Variants in NLGN4X observed in about 807,000 individuals in gnomAD.
The protein encoded by NLGN4X is neuroligin 4 X-linked.
Under a neutral mutation model 40.3 loss-of-function variants are expected in NLGN4X, and 3 were observed. That is an observed-to-expected ratio of 0.07 (90% confidence interval 0.03 to 0.19). The LOEUF is 0.19. NLGN4X is among the 10% of genes least tolerant of loss of function. The pLI, the probability that NLGN4X is intolerant of heterozygous loss-of-function variation, is 1.00. For synonymous variants in NLGN4X, 270 were observed against 306.8 expected, an observed-to-expected ratio of 0.88 and a Z score of 1.25; for missense variants, 382 against 708.3, an observed-to-expected ratio of 0.54 and a Z score of 5.23.
At chrX:6,082,946 GCGTTTTTTTCT>G (rs1372755413) in intron 2 of NLGN4X, among the ~76,000 whole-genome samples, 17 of 69,524 alleles carry the variant, frequency 2.4e-4, no homozygotes, top group South Asian at 6.6e-4. Context: ...TTGCCATGAT[GCGTTTTTTTCT>G]TTTTTTTTTT....
intron 2 of NLGN4X, among the ~76,000 whole-genome samples, chrX:6,119,838 C>A (rs2039382279): frequency 9.0e-6 from 1 of 111,219 alleles, no homozygotes; most frequent in Admixed American, 9.6e-5. Context: ...AAGACGTGAT[C>A]TTTGTATTAT....
At chrX:5,947,805 CA>C (rs2034179486) in intron 3 of NLGN4X, among the ~76,000 whole-genome samples, 1 of 110,896 alleles carries the variant, frequency 9.0e-6, no homozygotes, top group African/African-American at 3.3e-5. Flanking sequence ...TTTGTGGGTA[CA>C]AAATTTCAAA....
chrX:6,119,771 T>G (rs2039380484), intron 2 of NLGN4X, among the ~76,000 whole-genome samples: 1 of 111,460 alleles, frequency 9.0e-6, no homozygotes, highest in Non-Finnish European at 1.9e-5. Context: ...CTTACTTTTG[T>G]ATACTTTACA....
intron 1 of NLGN4X, among the ~76,000 whole-genome samples, chrX:6,185,769 T>C (rs191277950): frequency 8.0e-5 from 9 of 112,078 alleles, no homozygotes; most frequent in African/African-American, 2.6e-4. Context: ...AAGATCAATC[T>C]GTGCAATAAT....
At chrX:5,970,190 AAATAC>A (rs909492672) in intron 3 of NLGN4X, among the ~76,000 whole-genome samples, 3 of 109,947 alleles carry the variant, frequency 2.7e-5, no homozygotes, top group Non-Finnish European at 5.7e-5. Flanking sequence ...ATAAATAAAT[AAATAC>A]AATAGTAATA....
At chrX:6,007,018 T>G (rs2036119051) in intron 3 of NLGN4X, among the ~76,000 whole-genome samples, 1 of 111,873 alleles carries the variant, frequency 8.9e-6, no homozygotes, top group African/African-American at 3.2e-5. Context: ...CACTACACTA[T>G]TCACAACAGC....
intron 2 of NLGN4X, among the ~76,000 whole-genome samples, chrX:6,133,135 C>T (rs978266438): frequency 8.5e-5 from 7 of 82,326 alleles, no homozygotes; most frequent in African/African-American, 2.9e-4. Flanking sequence ...TCATCACCAT[C>T]GTCATCACGA....
intron 3 of NLGN4X, among the ~76,000 whole-genome samples, chrX:5,941,736 T>G (rs761069978): frequency 1.8e-5 from 2 of 112,312 alleles, no homozygotes; most frequent in Non-Finnish European, 3.8e-5. Flanking sequence ...TAACCTGTGA[T>G]TACCCAAAGG....
At chrX:6,130,207 C>G (rs2039651354) in intron 2 of NLGN4X, among the ~76,000 whole-genome samples, 1 of 111,701 alleles carries the variant, frequency 9.0e-6, no homozygotes. Context: ...TAAAATATTC[C>G]CCATGCTCCT....
rs1295357780 is a variant in NLGN4X, at chrX:5,894,547, G to A, written c.1602-881C>T. Among the ~76,000 whole-genome samples the A allele has an allele frequency of 2.7e-5, 3 of 111,695 alleles. 1 individual carries two copies. The Admixed American group carries it at 2.9e-4, about 11-fold the overall frequency. On this transcript the variant is annotated intron_variant, in intron 5 of 5. Transcript: ENST00000381095. ...GACACCCAGAAACAAGTCAAGGGCT[G>A]TTACAGATGCTAAGTTGTGCTTGGA...
At chrX:6,209,425 G>C (rs1403712386) in intron 1 of NLGN4X, among the ~76,000 whole-genome samples, 1 of 111,180 alleles carries the variant, frequency 9.0e-6, no homozygotes, top group Non-Finnish European at 1.9e-5. Context: ...CGGGCACCTA[G>C]AAGCTTGAGT....
intron 2 of NLGN4X, among the ~76,000 whole-genome samples, chrX:6,062,358 G>T (rs900587201): frequency 9.0e-6 from 1 of 111,597 alleles, no homozygotes; most frequent in Non-Finnish European, 1.9e-5. Flanking sequence ...CCTTCTAACT[G>T]GTCTCCCACA....
At chrX:6,137,519 A>C (rs1471300450) in intron 2 of NLGN4X, among the ~76,000 whole-genome samples, 3 of 111,962 alleles carry the variant, frequency 2.7e-5, no homozygotes, top group African/African-American at 9.7e-5. Flanking sequence ...GGCCTGTCAA[A>C]GTTTTTAAAA....
Position 5,890,085 on chromosome X carries a change from A to G in NLGN4X, c.*2732T>C. On this transcript the variant is annotated 3_prime_UTR_variant, in exon 6 of 6. Coordinates refer to ENST00000381095, the MANE Select transcript of NLGN4X (RefSeq NM_181332.3). ...TTTTATTATTAAAAATGCTGCTGAA[A>G]AGTTTATACATATGTGTCCGGCCAT... 1 of 226,164 alleles carries G rather than the reference A, an allele frequency of 4.4e-6. No individual in the cohort carries two copies. Among genetic ancestry groups the G allele is most frequent in the Non-Finnish European group, 8.1e-6 (1 of 123,871 alleles). 18.6% of individuals were successfully genotyped at this position (226,164 alleles called of 1,213,427 possible).
chrX:6,131,118 A>ACATCAGCACTGTGGGCATTTGGGGGCTG (rs1569255737), intron 2 of NLGN4X, among the ~76,000 whole-genome samples: 1 of 111,497 alleles, frequency 9.0e-6, no homozygotes, highest in African/African-American at 3.3e-5. Context: ...TCAATTTCAA[A>ACATCAGCACTGTGGGCATTTGGGGGCTG]GAATACCACC....
At chrX:6,091,822 C>T (rs143873998) in intron 2 of NLGN4X, among the ~76,000 whole-genome samples, 10 of 111,529 alleles carry the variant, frequency 9.0e-5, no homozygotes, top group African/African-American at 1.3e-4. Flanking sequence ...AGAACATGTA[C>T]GAACTGGGTC....
chrX:6,207,027 TTCTC>T (rs111244462), intron 1 of NLGN4X, among the ~76,000 whole-genome samples: 4 of 107,468 alleles, frequency 3.7e-5, no homozygotes, highest in Non-Finnish European at 5.8e-5. Context: ...TTGCACTAGA[TTCTC>T]TCTCTCTCTC....
At chrX:5,949,868 G>C (rs754094554) in intron 3 of NLGN4X, among the ~76,000 whole-genome samples, 1 of 111,495 alleles carries the variant, frequency 9.0e-6, no homozygotes, top group African/African-American at 3.3e-5. Context: ...ACAACCAACA[G>C]CCTACGACAG....
chrX:6,128,882 C>A (rs72609527), intron 2 of NLGN4X, among the ~76,000 whole-genome samples: 9,855 of 111,614 alleles, frequency 0.088, 355 homozygotes, highest in East Asian at 0.18. Context: ...TATATATATG[C>A]ATTCTTCTGC....
Sources: allele counts gnomAD v4.1 joint callset (sites outside exome capture counted in the v4.1 genomes callset), GRCh38; gene constraint gnomAD v4.1.1; transcripts MANE v1.5; gene names NCBI Gene and HGNC (gene_info 2026-07-23, HGNC 2026-07-21).